The following CDH12 variants were observed in gnomAD, a reference collection of about 807,000 sequenced individuals.
CDH12 encodes the protein cadherin-12.
In CDH12, 41 loss-of-function variants were observed where a neutral mutation model predicts 74.1. That is an observed-to-expected ratio of 0.55 (90% confidence interval 0.43 to 0.72). CDH12 has a LOEUF of 0.72. Ranked by LOEUF, CDH12 falls within the 30% of genes least tolerant of loss-of-function variation. The pLI is 0.00. For missense variants in CDH12, 945 were observed against 977.2 expected (o/e 0.97, Z 0.44); for synonymous variants, 399 against 355.0 (o/e 1.12, Z -1.39).
chr5:22,131,472 C>T (rs1458810606), intron 4 of CDH12, among the ~76,000 whole-genome samples: 1 of 152,120 alleles, frequency 6.6e-6, no homozygotes, highest in African/African-American at 2.4e-5. Flanking sequence ...TCTACTTCCC[C>T]ACATGCCTAT....
intron 1 of CDH12, among the ~76,000 whole-genome samples, chr5:22,677,073 G>A (rs1323478407): frequency 6.6e-6 from 1 of 152,078 alleles, no homozygotes; most frequent in Admixed American, 6.6e-5. Context: ...TGCATAAATG[G>A]CAGCTGAGTG....
chr5:22,508,729 A>C (rs1736493208), intron 1 of CDH12, among the ~76,000 whole-genome samples: 1 of 152,162 alleles, frequency 6.6e-6, no homozygotes, highest in Non-Finnish European at 1.5e-5. Context: ...GTTTAAATTT[A>C]CCTACAGCCT....
chr5:22,151,530 T>C (rs1026387706), intron 4 of CDH12, among the ~76,000 whole-genome samples: 1 of 152,142 alleles, frequency 6.6e-6, no homozygotes, highest in Admixed American at 6.5e-5. Context: ...GGGTTAACTC[T>C]TTTTTTGTGT....
chr5:21,884,122 T>C (rs1752505097), intron 6 of CDH12: 2 of 1,491,550 alleles, frequency 1.3e-6, no homozygotes, highest in Admixed American at 3.3e-5. Flanking sequence ...GGAGATTTTA[T>C]GAATATGGTA....
At chr5:21,979,320 G>C (rs1757206801) in intron 5 of CDH12, among the ~76,000 whole-genome samples, 1 of 152,130 alleles carries the variant, frequency 6.6e-6, no homozygotes. Flanking sequence ...TTCTATAAAT[G>C]ATGGCTGTAG....
intron 2 of CDH12, among the ~76,000 whole-genome samples, chr5:22,493,619 T>C (rs1746981097): frequency 6.6e-6 from 1 of 152,082 alleles, no homozygotes; most frequent in Admixed American, 6.6e-5. Flanking sequence ...GAAGTATCCA[T>C]TGAGATGATC....
chr5:22,459,516 A>T (rs1745417403), intron 2 of CDH12, among the ~76,000 whole-genome samples: 1 of 152,222 alleles, frequency 6.6e-6, no homozygotes, highest in South Asian at 2.1e-4. Flanking sequence ...GCTCTTAGTG[A>T]AGTTAGTTCA....
intron 4 of CDH12, among the ~76,000 whole-genome samples, chr5:22,145,469 T>C (rs1747099639): frequency 6.6e-6 from 1 of 152,098 alleles, no homozygotes; most frequent in Admixed American, 6.6e-5. Flanking sequence ...GATAGGTCCT[T>C]GACAAATTCA....
intron 1 of CDH12, among the ~76,000 whole-genome samples, chr5:22,751,676 C>T (rs537441705): frequency 6.6e-6 from 1 of 152,222 alleles, no homozygotes; most frequent in Non-Finnish European, 1.5e-5. Flanking sequence ...TGCCGCAAAA[C>T]TGTTGCCACG....
At chr5:21,840,259 T>A (rs1407603622) in intron 8 of CDH12, among the ~76,000 whole-genome samples, 1 of 152,190 alleles carries the variant, frequency 6.6e-6, no homozygotes, top group Admixed American at 6.6e-5. Flanking sequence ...ACATTTATAT[T>A]ACTTTCTCAG....
intron 1 of CDH12, among the ~76,000 whole-genome samples, chr5:22,649,293 T>A (rs1201099607): frequency 6.6e-6 from 1 of 152,056 alleles, no homozygotes; most frequent in Non-Finnish European, 1.5e-5. Flanking sequence ...TTACTTTTCC[T>A]TTTGTGAACT....
intron 4 of CDH12, among the ~76,000 whole-genome samples, chr5:22,100,483 G>A (rs1167097601): frequency 1.3e-5 from 2 of 152,030 alleles, no homozygotes; most frequent in Non-Finnish European, 2.9e-5. Context: ...CAAGTCTCAC[G>A]AGACATTTTT....
chr5:22,814,514 A>G (rs577390803), intron 1 of CDH12, among the ~76,000 whole-genome samples: 1 of 152,308 alleles, frequency 6.6e-6, no homozygotes, highest in South Asian at 2.1e-4. Context: ...TGCCACGCAC[A>G]TGTCCTAATT....
At chr5:22,694,760 G>T (rs1454443376) in intron 1 of CDH12, among the ~76,000 whole-genome samples, 1 of 151,260 alleles carries the variant, frequency 6.6e-6, no homozygotes, top group Admixed American at 6.6e-5. Flanking sequence ...AATGTTTTAA[G>T]TTACTATGGC....
At chr5:22,262,530 G>A (rs1394864507) in intron 3 of CDH12, among the ~76,000 whole-genome samples, 1 of 151,152 alleles carries the variant, frequency 6.6e-6, no homozygotes, top group Non-Finnish European at 1.5e-5. Flanking sequence ...GGACATTTGG[G>A]TTGGTTCCAA....
chr5:22,795,692 A>G (rs1444086562), intron 1 of CDH12, among the ~76,000 whole-genome samples: 1 of 151,802 alleles, frequency 6.6e-6, no homozygotes, highest in Non-Finnish European at 1.5e-5. Flanking sequence ...GTGGAAGCAT[A>G]CATACACTGT....
chr5:21,792,765 C>T (rs750575914), intron 10 of CDH12, among the ~76,000 whole-genome samples: 6 of 151,672 alleles, frequency 4.0e-5, no homozygotes, highest in Non-Finnish European at 8.9e-5. Context: ...AGAACTTCTT[C>T]TGCCCCCAAA....
At chr5:22,753,027 A>G (rs1204856381) in intron 1 of CDH12, among the ~76,000 whole-genome samples, 2 of 152,136 alleles carry the variant, frequency 1.3e-5, no homozygotes, top group Non-Finnish European at 2.9e-5. Context: ...GGCAGCTTCA[A>G]TGCGAATGAC....
chr5:22,600,908 G>A (rs1230587029), intron 1 of CDH12, among the ~76,000 whole-genome samples: 4 of 152,128 alleles, frequency 2.6e-5, no homozygotes, highest in African/African-American at 4.8e-5. Flanking sequence ...AATAGGCAAA[G>A]TCTTCCCTTT....
Sources: allele counts gnomAD v4.1 joint callset (sites outside exome capture counted in the v4.1 genomes callset), GRCh38; gene constraint gnomAD v4.1.1; transcripts MANE v1.5; gene names NCBI Gene and HGNC (gene_info 2026-07-23, HGNC 2026-07-21).